MAP7D2: variants seen among roughly 807,000 people sequenced by gnomAD.
The protein encoded by MAP7D2 is MAP7 domain containing 2.
In MAP7D2, 33 loss-of-function variants were observed where a neutral mutation model predicts 63.5. The ratio of observed to expected loss-of-function variants is 0.52; its 90% CI spans 0.39 to 0.70. MAP7D2 has a LOEUF of 0.70. Among genes scored for constraint, MAP7D2 ranks in the 30% least tolerant of loss-of-function variants. The pLI is 0.00. For synonymous variants in MAP7D2, 224 were observed against 223.7 expected (o/e 1.00, Z -0.01); for missense variants, 626 against 604.0 (o/e 1.04, Z -0.38).
chrX:20,053,055 C>T, intron 4 of MAP7D2, 67 bp from the exon 5 acceptor site: 1 of 810,677 alleles, frequency 1.2e-6, no homozygotes, highest in Non-Finnish European at 1.9e-6. Flanking sequence ...AACACATATC[C>T]CGAAGTGTCC....
At position 20,041,624 on chromosome X, in the gene MAP7D2, A is replaced by G. The variant is rs185232970; in HGVS notation, c.1007+878T>C. Among the ~76,000 whole-genome samples, 35 of 112,327 alleles carry G rather than the reference A, an allele frequency of 3.1e-4. 1 individual carries two copies. In the Admixed American group the frequency reaches 3.2e-3, roughly 10 times the overall value. ...TCTCTGAACTAAACTGATACACTGA[A>G]TAAGGTTTATATGATTCTCTCCATA... is the stretch of plus-strand genomic sequence containing the variant. On this transcript the variant is annotated intron_variant, in intron 8 of 16. Coordinates refer to ENST00000379643, the MANE Select transcript of MAP7D2 (RefSeq NM_001168465.2).
chrX:20,056,321 G>A (rs1388423543), intron 4 of MAP7D2, among the ~76,000 whole-genome samples: 2 of 111,411 alleles, frequency 1.8e-5, no homozygotes, highest in Admixed American at 1.9e-4. Flanking sequence ...ATCGCATCTG[G>A]ACCAGTGACA....
chrX:20,009,672 A>AG lies in MAP7D2; in HGVS notation c.*26+1104_*26+1105insC, dbSNP rs1258280243. ...GAGTGAGATTCCATCTCAAAAAAAA[A>AG]AAAAAAAAAAAAAAAAGAATCTAAA... is the stretch of plus-strand genomic sequence containing the variant. On this transcript the variant is annotated intron_variant, in intron 16 of 16. Coordinates refer to ENST00000379643, the MANE Select transcript of MAP7D2 (RefSeq NM_001168465.2). Among the ~76,000 whole-genome samples, 3 of 105,496 alleles carry AG rather than the reference A, an allele frequency of 2.8e-5. 1 individual carries two copies. The highest frequency in any genetic ancestry group is 1.0e-4 in the African/African-American group (3 of 29,210). 91.6% of individuals were successfully genotyped at this position (105,496 alleles called of 115,157 possible).
chrX:20,093,678 T>A, intron 1 of MAP7D2, among the ~76,000 whole-genome samples: 1 of 110,008 alleles, frequency 9.1e-6, no homozygotes, highest in Non-Finnish European at 1.9e-5. Flanking sequence ...AAAATAAAAA[T>A]AAAAAATAAC....
intron 13 of MAP7D2, 87 bp downstream of exon 13, chrX:20,013,482 G>A (rs1336567410): frequency 3.7e-5 from 32 of 858,852 alleles, no homozygotes; most frequent in Non-Finnish European, 5.1e-5. Context: ...GCTAATCGTC[G>A]CCAAGACCTA....
chrX:20,018,972 C>T (rs1874091485), intron 10 of MAP7D2, among the ~76,000 whole-genome samples: 1 of 111,041 alleles, frequency 9.0e-6, no homozygotes, highest in African/African-American at 3.3e-5. Context: ...CCGAGCCTAC[C>T]GCCCTTGCCG....
intron 6 of MAP7D2, among the ~76,000 whole-genome samples, chrX:20,045,314 C>T (rs1280838816): frequency 9.1e-6 from 1 of 109,779 alleles, no homozygotes; most frequent in Non-Finnish European, 1.9e-5. Flanking sequence ...CTCACCTGAG[C>T]TTAGGAGGTT....
chrX:20,087,955 T>C (rs1193850703), intron 1 of MAP7D2, among the ~76,000 whole-genome samples: 3 of 98,844 alleles, frequency 3.0e-5, no homozygotes, highest in Non-Finnish European at 4.0e-5. Flanking sequence ...AATGGCGCTA[T>C]CTCGGGTCAC....
At chrX:20,017,356 T>A (rs1167549251) in intron 10 of MAP7D2, among the ~76,000 whole-genome samples, 2 of 112,240 alleles carry the variant, frequency 1.8e-5, no homozygotes, top group Non-Finnish European at 3.8e-5. Flanking sequence ...AGTGCACCTA[T>A]AAATCTGTAT....
chrX:20,025,969 A>G lies in MAP7D2; in HGVS notation c.1008-17T>C, dbSNP rs1172402357. 8.3e-7 allele frequency: 1 copy of G among 1,203,749 alleles called. No individual in the cohort carries two copies. The highest frequency in any genetic ancestry group is 3.0e-5 in the East Asian group (1 of 33,744). ...GTAGCTGTCCTGGAAAACAAAAAAT[A>G]TGCCAGAGGATGATTACTGGGCCTG... On this transcript the variant is annotated splice_polypyrimidine_tract_variant and intron_variant, in intron 8 of 16. Coordinates refer to ENST00000379643, the MANE Select transcript of MAP7D2 (RefSeq NM_001168465.2).
chrX:20,071,633 C>T (rs914185213), intron 1 of MAP7D2, among the ~76,000 whole-genome samples: 1 of 112,093 alleles, frequency 8.9e-6, no homozygotes, highest in African/African-American at 3.2e-5. Flanking sequence ...CAGGGCAGGG[C>T]CCTCCCTGTG....
chrX:20,033,018 C>G (rs2074101512), intron 8 of MAP7D2, among the ~76,000 whole-genome samples: 1 of 111,719 alleles, frequency 9.0e-6, no homozygotes, highest in Non-Finnish European at 1.9e-5. Context: ...CATCAACTGC[C>G]AGGTAGGAAA....
chrX:20,076,700 T>G (rs2065652204), intron 1 of MAP7D2, among the ~76,000 whole-genome samples: 1 of 95,782 alleles, frequency 1.0e-5, no homozygotes, highest in African/African-American at 3.9e-5. Flanking sequence ...AAACTTAGTC[T>G]CAAAAAAAAA....
At chrX:20,010,588 T>C (rs1450010422) in intron 16 of MAP7D2, among the ~76,000 whole-genome samples, 189 bp downstream of exon 16, 1 of 112,164 alleles carries the variant, frequency 8.9e-6, no homozygotes, top group African/African-American at 3.2e-5. Context: ...GGCTCGGCGC[T>C]GAAGGCTCGC....
chrX:20,016,576 C>T (rs544426277), intron 10 of MAP7D2, among the ~76,000 whole-genome samples: 6 of 112,471 alleles, frequency 5.3e-5, no homozygotes, highest in African/African-American at 9.7e-5. Context: ...TGATGTGTAA[C>T]GCATACTGTA....
chrX:20,105,578 G>T (rs1450593860), intron 1 of MAP7D2, among the ~76,000 whole-genome samples: 1 of 112,014 alleles, frequency 8.9e-6, no homozygotes, highest in East Asian at 2.8e-4. Context: ...CAGAGTTAGG[G>T]CATCTGTCCT....
In MAP7D2 at chrX:20,011,056, G is replaced by C; in HGVS notation, c.2073-4C>G. ...AAGCTCTTCTTTTGAAACAGGACTA[G>C]AAGAGATGAACGAGAGGGAGAGAGG... On this transcript the variant is annotated splice_region_variant and splice_polypyrimidine_tract_variant and intron_variant, in intron 15 of 16. Coordinates refer to ENST00000379643, the MANE Select transcript of MAP7D2 (RefSeq NM_001168465.2). 8.3e-7 allele frequency: 1 copy of C among 1,205,673 alleles called. No homozygotes were observed. The highest frequency in any genetic ancestry group is 1.1e-6 in the Non-Finnish European group (1 of 890,952).
chrX:20,112,035 G>A (rs933205166), intron 1 of MAP7D2, among the ~76,000 whole-genome samples: 2 of 112,188 alleles, frequency 1.8e-5, no homozygotes, highest in South Asian at 7.3e-4. Context: ...GCCTCCTGAA[G>A]TGCTAGGATT....
intron 1 of MAP7D2, among the ~76,000 whole-genome samples, chrX:20,103,316 A>C (rs1453829155): frequency 8.9e-6 from 1 of 112,367 alleles, no homozygotes; most frequent in African/African-American, 3.2e-5. Context: ...AGTTGTGCCA[A>C]GTTGAAAAGC....
Sources: allele counts gnomAD v4.1 joint callset (sites outside exome capture counted in the v4.1 genomes callset), GRCh38; gene constraint gnomAD v4.1.1; transcripts MANE v1.5; gene names NCBI Gene and HGNC (gene_info 2026-07-23, HGNC 2026-07-21).